Variants in NAT10 observed in about 807,000 individuals in gnomAD.
The protein encoded by NAT10 is RNA cytidine acetyltransferase.
NAT10 carries 109 observed loss-of-function variants against 132.2 expected under a neutral mutation model. The observed-to-expected ratio is 0.82, with a 90% CI of 0.71 to 0.97. The LOEUF is 0.97. NAT10 is among the 50% of genes least tolerant of loss of function. NAT10 has a pLI of 0.00. For missense variants in NAT10, 1,184 were observed against 1,263.4 expected, an observed-to-expected ratio of 0.94 and a Z score of 0.95; for synonymous variants, 479 against 478.0, an observed-to-expected ratio of 1.00 and a Z score of -0.03.
intron 9 of NAT10, among the ~76,000 whole-genome samples, chr11:34,123,286 C>T (rs1487570545): frequency 6.6e-6 from 1 of 152,206 alleles, no homozygotes; most frequent in South Asian, 2.1e-4. Flanking sequence ...GACTCCTTGT[C>T]CTTCGTTCTT....
chr11:34,116,685 C>T (rs1313417042), intron 6 of NAT10, among the ~76,000 whole-genome samples: 1 of 152,146 alleles, frequency 6.6e-6, no homozygotes, highest in African/African-American at 2.4e-5. Context: ...ACCTCTGCCT[C>T]CCGCATTCAA....
chr11:34,115,734 T>G, intron 5 of NAT10, 89 bp from the exon 6 acceptor site: 1 of 1,317,132 alleles, frequency 7.6e-7, no homozygotes, highest in South Asian at 1.3e-5. Flanking sequence ...AGATTGCCCA[T>G]GTCTCCTTGG....
intron 6 of NAT10, 23 bp downstream of exon 6, chr11:34,115,907 T>C (rs764207559): frequency 6.2e-7 from 1 of 1,612,438 alleles, no homozygotes; most frequent in Non-Finnish European, 8.5e-7. Context: ...TTCCCCCCAA[T>C]TGTGGGGCAG....
chr11:34,144,737 G>C (rs1679575581), intron 28 of NAT10, among the ~76,000 whole-genome samples: 1 of 152,164 alleles, frequency 6.6e-6, no homozygotes. Context: ...AGTTTTCCCT[G>C]GGAGTACAAT....
intron 11 of NAT10, among the ~76,000 whole-genome samples, chr11:34,126,902 C>T (rs1386608176): frequency 1.3e-5 from 2 of 152,264 alleles, no homozygotes; most frequent in South Asian, 2.1e-4. Flanking sequence ...TAGAAATGTC[C>T]GTCAGTGCAG....
intron 21 of NAT10, among the ~76,000 whole-genome samples, chr11:34,138,149 G>T (rs1169820698): frequency 1.3e-5 from 2 of 152,212 alleles, no homozygotes; most frequent in African/African-American, 2.4e-5. Flanking sequence ...TATGGGTGAG[G>T]GGGGCTGACT....
chr11:34,144,965 C>A (rs1019143583), intron 28 of NAT10, among the ~76,000 whole-genome samples: 1 of 152,248 alleles, frequency 6.6e-6, no homozygotes, highest in Admixed American at 6.5e-5. Flanking sequence ...ACTGTGGCAT[C>A]TTGAAGGATC....
Position 34,113,726 on chromosome 11 carries a change from C to T in NAT10, c.383C>T (p.Ala128Val). ...GCCCCCTTCTTCCAGGATTTTGAAGCCTTAACTCCAAACTTGCTGGCCAGG... is the reference window on the plus strand; with the variant it reads ...GCCCCCTTCTTCCAGGATTTTGAAGTCTTAACTCCAAACTTGCTGGCCAGG... ...FGMCVLQDFE[A>V]LTPNLLARTV... Residue 128 changes from alanine to valine, a missense_variant, in exon 5 of 29, where the codon GCC (alanine) becomes GTC (valine). Physicochemically the swap from Ala to Val is moderately conservative, Grantham distance 64 (BLOSUM62 0). Transcript: ENST00000257829. 1 of 1,613,138 alleles carries T rather than the reference C, an allele frequency of 6.2e-7. No individual in the cohort carries two copies. Among genetic ancestry groups the T allele is most frequent in the South Asian group, 1.1e-5 (1 of 90,998 alleles).
intron 13 of NAT10, 72 bp downstream of exon 13, chr11:34,131,009 C>T: frequency 6.4e-7 from 1 of 1,573,646 alleles, no homozygotes; most frequent in South Asian, 1.2e-5. Flanking sequence ...CTCGCTTCCC[C>T]TGTGACATCA....
chr11:34,112,642 T>C (rs937825905), intron 4 of NAT10, among the ~76,000 whole-genome samples: 1 of 152,232 alleles, frequency 6.6e-6, no homozygotes, highest in African/African-American at 2.4e-5. Flanking sequence ...CCAGAGTGCC[T>C]GAGTGGCATA....
chr11:34,141,583 A>C lies in NAT10; in HGVS notation c.2713-136A>C, dbSNP rs72927868. The C allele has an allele frequency of 1.1e-3, 792 of 752,208 alleles. 2 individuals carry two copies. Among genetic ancestry groups the C allele is most frequent in the Admixed American group, 2.9e-3 (106 of 36,486 alleles). The allele number at this position is 752,208 out of a possible 1,614,324, so 46.6% of individuals were successfully genotyped here. On this transcript the variant is annotated intron_variant, in intron 25 of 28. Transcript: ENST00000257829. ...TTCAGCTCTTCCCGCTAATATCCACATTCCTAAACTGTAGAGTGTTGCTTT... is the reference window on the plus strand; with the variant it reads ...TTCAGCTCTTCCCGCTAATATCCACCTTCCTAAACTGTAGAGTGTTGCTTT...
At position 34,141,734 on chromosome 11, in the gene NAT10, C is replaced by T; in HGVS notation, c.2728C>T (p.Gln910Ter). 6.2e-7 allele frequency: 1 copy of T among 1,614,066 alleles called. No individual in the cohort carries two copies. Among genetic ancestry groups the T allele is most frequent in the South Asian group, 1.1e-5 (1 of 91,072 alleles). ...TCTTTTGTAGCTATTTAATGAAGTT[C>T]AGGAAAAGGCCATTGAGGAGCAGAT... ...RKVVKLFNEV[Q>*]EKAIEEQMVA... The change falls in exon 26 of 29, where the codon CAG becomes TAG. Residue 910 changes from glutamine (Q) to a stop codon, truncating the protein, a stop_gained. Transcript: ENST00000257829. LOFTEE classifies it high-confidence loss of function.
At chr11:34,135,076 G>A (rs1447412320) in intron 18 of NAT10, 99 bp from the exon 19 acceptor site, 2 of 894,078 alleles carry the variant, frequency 2.2e-6, no homozygotes, top group Non-Finnish European at 1.8e-6. Flanking sequence ...GTTTGACAGG[G>A]AGGGAAGGTT....
In NAT10 at chr11:34,107,932, T is replaced by G. The variant is rs1851623716; in HGVS notation, c.-15-279T>G. Among the ~76,000 whole-genome samples, 3 of 152,272 alleles carry G rather than the reference T, an allele frequency of 2.0e-5. No individual in the cohort carries two copies. In the South Asian group the frequency reaches 6.2e-4, roughly 32 times the overall value. On this transcript the variant is annotated intron_variant, in intron 1 of 28. Coordinates refer to ENST00000257829, the MANE Select transcript of NAT10 (RefSeq NM_024662.3). ...TCCTTATGTATTTTAGTCATTCTTC[T>G]ACTTTTTTGAATATACAAGTTTCTG... is the stretch of plus-strand genomic sequence containing the variant.
rs771170813 is a variant in NAT10 at position 34,108,697 on chromosome 11, A to G, written c.109-45A>G. 3.2e-6 allele frequency: 5 copies of G among 1,563,304 alleles called. 1 individual carries two copies. The South Asian group carries it at 3.5e-5, about 11-fold the overall frequency. ...GAGGTCTTAAGCCTGGCGGTCTCTA[A>G]AGTCTCTTTTGTGCCTGAAATTCTG... On this transcript the variant is annotated intron_variant, in intron 2 of 28. Transcript: ENST00000257829.
Position 34,146,196 on chromosome 11 carries a change from A to G in NAT10, c.*4A>G, listed in dbSNP as rs954398927. Reference sequence around the variant, plus strand: ...GAAACTGAAGCGGAAGAAATAGTGAAGAGAAACTCGGGCATCTGTGTTTGA... The same window carrying G: ...GAAACTGAAGCGGAAGAAATAGTGAGGAGAAACTCGGGCATCTGTGTTTGA... On this transcript the variant is annotated 3_prime_UTR_variant, in exon 29 of 29. Transcript: ENST00000257829. The G allele has an allele frequency of 2.5e-6, 4 of 1,579,988 alleles. No individual in the cohort carries two copies. In the South Asian group the frequency reaches 3.5e-5, roughly 14 times the overall value.
rs1196803415 is a variant in NAT10 at position 34,118,442 on chromosome 11, A to G, written c.719A>G (p.Glu240Gly). 5 of 1,614,018 alleles carry G rather than the reference A, an allele frequency of 3.1e-6. No homozygotes were observed. In the African/African-American group the frequency reaches 6.7e-5, roughly 22 times the overall value. ...GATCTGGAGCTGAGGGAGTTGAAGG[A>G]GAGCTTGCAGGACACCCAGCCTGTG... ...PSDLELRELK[E>G]SLQDTQPVGV... Residue 240 changes from glutamate to glycine, a missense_variant, in exon 8 of 29, where the codon GAG (glutamate) becomes GGG (glycine). Glu to Gly is a moderately conservative substitution (Grantham distance 98). Transcript: ENST00000257829.
chr11:34,122,545 A>C lies in NAT10; in HGVS notation c.867A>C (p.Gly289=), dbSNP rs1851912673. ...CACTCACAGCTGCTCGAGGACGGGG[A>C]AAATCTGCAGCCCTGGGATTGGCGA... ...TVALTAARGR[G]KSAALGLAIA... is the part of the protein sequence containing the mutation. Residue 289 remains glycine (G), a synonymous_variant, in exon 9 of 29, where the codon GGA becomes GGC. Coordinates refer to ENST00000257829, the MANE Select transcript of NAT10 (RefSeq NM_024662.3). 1 of 1,614,058 alleles carries C rather than the reference A, an allele frequency of 6.2e-7. No homozygotes were observed. The highest frequency in any genetic ancestry group is 1.1e-5 in the South Asian group (1 of 91,084).
intron 8 of NAT10, among the ~76,000 whole-genome samples, chr11:34,122,221 G>A (rs144968218): frequency 1.2e-3 from 186 of 152,230 alleles, no homozygotes; most frequent in African/African-American, 4.3e-3. Context: ...GGTCCAGACT[G>A]AAGCTGTAAA....
Sources: allele counts gnomAD v4.1 joint callset (sites outside exome capture counted in the v4.1 genomes callset), GRCh38; gene constraint gnomAD v4.1.1; transcripts MANE v1.5; gene names NCBI Gene and HGNC (gene_info 2026-07-23, HGNC 2026-07-21).